The following ARB2A variants were observed in gnomAD, a reference collection of about 807,000 sequenced individuals.
ARB2A encodes the protein cotranscriptional regulator ARB2A.
the ARB2A span, among the ~76,000 whole-genome samples, chr5:93,643,135 T>C: frequency 1.3e-5 from 2 of 152,196 alleles, no homozygotes; most frequent in Admixed American, 1.3e-4. Flanking sequence ...CCAAAAAGTA[T>C]TGTGTAACAG....
chr5:93,764,006 C>G, the ARB2A span, among the ~76,000 whole-genome samples: 2 of 152,090 alleles, frequency 1.3e-5, no homozygotes, highest in Non-Finnish European at 2.9e-5. Context: ...CCAAAGAGAA[C>G]AAAGACACAA....
the ARB2A span, among the ~76,000 whole-genome samples, chr5:93,752,862 G>A: frequency 0.71 from 108,278 of 151,938 alleles, 38,932 homozygotes; most frequent in African/African-American, 0.81. Context: ...TATCCCTTAC[G>A]TTAACTAATA....
the ARB2A span, chr5:93,781,785 G>T: frequency 1.6e-6 from 1 of 612,868 alleles, no homozygotes; most frequent in Non-Finnish European, 2.0e-6. Flanking sequence ...TAGTGATGTC[G>T]AGCATTTTTT....
chr5:94,101,044 G>C, the ARB2A span, among the ~76,000 whole-genome samples: 1 of 151,904 alleles, frequency 6.6e-6, no homozygotes, highest in Non-Finnish European at 1.5e-5. Context: ...CAGATGCATA[G>C]TTGGCAAAAA....
At chr5:93,644,599 A>G in the ARB2A span, among the ~76,000 whole-genome samples, 1 of 152,222 alleles carries the variant, frequency 6.6e-6, no homozygotes, top group African/African-American at 2.4e-5. Flanking sequence ...ATACCAGAAA[A>G]AACAGAATAT....
chr5:93,863,807 AAT>A, the ARB2A span: 2 of 152,126 alleles, frequency 1.3e-5, no homozygotes, highest in Non-Finnish European at 1.5e-5. Flanking sequence ...CATTGAAAGA[AAT>A]ATGACACATA....
At chr5:93,673,441 T>G in the ARB2A span, among the ~76,000 whole-genome samples, 2 of 152,118 alleles carry the variant, frequency 1.3e-5, no homozygotes, top group African/African-American at 4.8e-5. Flanking sequence ...TTAGCACTGA[T>G]GATTTACCCA....
chr5:93,653,294 G>A, the ARB2A span, among the ~76,000 whole-genome samples: 1 of 151,234 alleles, frequency 6.6e-6, no homozygotes, highest in African/African-American at 2.4e-5. Flanking sequence ...GGATCACGAG[G>A]TCAGGAGGTC....
the ARB2A span, among the ~76,000 whole-genome samples, chr5:93,905,578 A>G: frequency 6.6e-6 from 1 of 151,668 alleles, no homozygotes; most frequent in Admixed American, 6.6e-5. Context: ...TACTGTTAAA[A>G]TAAGAGTCAT....
the ARB2A span, among the ~76,000 whole-genome samples, chr5:94,001,810 T>C: frequency 4.6e-5 from 7 of 152,252 alleles, no homozygotes; most frequent in South Asian, 1.0e-3. Context: ...CATCTCGGTC[T>C]GATGCTTGCT....
At chr5:93,843,151 G>C in the ARB2A span, among the ~76,000 whole-genome samples, 1 of 152,168 alleles carries the variant, frequency 6.6e-6, no homozygotes, top group Non-Finnish European at 1.5e-5. Context: ...AGACTACTCA[G>C]ATTAATTATA....
the ARB2A span, among the ~76,000 whole-genome samples, chr5:93,963,402 C>A: frequency 3.3e-5 from 5 of 151,884 alleles, no homozygotes; most frequent in Non-Finnish European, 7.4e-5. Flanking sequence ...GCACTTGGAC[C>A]AGTGTCCATC....
At chr5:93,783,837 T>A in the ARB2A span, among the ~76,000 whole-genome samples, 1 of 152,140 alleles carries the variant, frequency 6.6e-6, no homozygotes, top group Non-Finnish European at 1.5e-5. Context: ...GAAAAGAAGC[T>A]TTCTTAGCCT....
the ARB2A span, among the ~76,000 whole-genome samples, chr5:93,853,956 A>C: frequency 1.3e-5 from 2 of 152,134 alleles, no homozygotes; most frequent in African/African-American, 2.4e-5. Flanking sequence ...TGGTATCAGG[A>C]TGATGCTGGC....
At chr5:93,848,968 C>T in the ARB2A span, among the ~76,000 whole-genome samples, 1 of 152,152 alleles carries the variant, frequency 6.6e-6, no homozygotes, top group Non-Finnish European at 1.5e-5. Flanking sequence ...TCTCCAGGAG[C>T]CTTTCAACAC....
At chr5:93,812,687 G>A in the ARB2A span, among the ~76,000 whole-genome samples, 1 of 151,588 alleles carries the variant, frequency 6.6e-6, no homozygotes, top group Non-Finnish European at 1.5e-5. Context: ...AGTTTAATAT[G>A]CCTATTTAGG....
At chr5:93,920,551 A>G in the ARB2A span, among the ~76,000 whole-genome samples, 1 of 152,178 alleles carries the variant, frequency 6.6e-6, no homozygotes, top group African/African-American at 2.4e-5. Context: ...AAAATTAAGA[A>G]GTTAGGCATG....
chr5:93,819,185 CAAAA>C, the ARB2A span, among the ~76,000 whole-genome samples: 6 of 93,172 alleles, frequency 6.4e-5, no homozygotes, highest in African/African-American at 2.6e-4. Context: ...AACTCCGTCT[CAAAA>C]AAAAAAAAAA....
chr5:94,000,813 A>G, the ARB2A span, among the ~76,000 whole-genome samples: 2 of 152,000 alleles, frequency 1.3e-5, no homozygotes, highest in African/African-American at 4.8e-5. Flanking sequence ...ATCCATTTTG[A>G]GTTAATTTCT....
Sources: gnomAD v4.1 joint callset for allele counts (sites outside exome capture counted in the v4.1 genomes callset) on GRCh38, gnomAD v4.1.1 for gene constraint, MANE v1.5 for transcripts, NCBI Gene and HGNC (gene_info 2026-07-23, HGNC 2026-07-21) for gene names.